PIF1: variants seen among roughly 807,000 people sequenced by gnomAD.
PIF1 encodes ATP-dependent DNA helicase PIF1.
Under a neutral mutation model 62.3 loss-of-function variants are expected in PIF1, and 67 were observed. The ratio of observed to expected loss-of-function variants is 1.08; its 90% CI spans 0.88 to 1.32. PIF1 has a LOEUF of 1.32. Among genes scored for constraint, PIF1 ranks in the 40% most tolerant of loss-of-function variants. The pLI, the probability that PIF1 is intolerant of heterozygous loss-of-function variation, is 0.00. For synonymous variants in PIF1, 364 were observed against 379.5 expected (o/e 0.96, Z 0.47); for missense variants, 886 against 866.1 (o/e 1.02, Z -0.29).
chr15:64,821,332 C>G, intron 5 of PIF1, 35 bp downstream of exon 5: 1 of 1,613,984 alleles, frequency 6.2e-7, no homozygotes, highest in Non-Finnish European at 8.5e-7. Flanking sequence ...CCACCAGGTC[C>G]CAGTTCTCAC....
At chr15:64,819,403 T>C (rs1462116049) in intron 8 of PIF1, among the ~76,000 whole-genome samples, 180 bp from the exon 9 acceptor site, 10 of 152,110 alleles carry the variant, frequency 6.6e-5, no homozygotes. Flanking sequence ...CTCTGCCTCC[T>C]GGGTTCAAGC....
chr15:64,826,709 C>CATATATATATACACACACAT (rs2084376497), upstream of PIF1, among the ~76,000 whole-genome samples: 1 of 134,634 alleles, frequency 7.4e-6, no homozygotes, highest in Non-Finnish European at 1.6e-5. Flanking sequence ...TATACACACA[C>CATATATATATACACACACAT]ATATATATAT....
chr15:64,826,448 T>G (rs2084367829), upstream of PIF1, among the ~76,000 whole-genome samples: 1 of 150,880 alleles, frequency 6.6e-6, no homozygotes, highest in East Asian at 1.9e-4. Flanking sequence ...TTTTTCCTTC[T>G]TAGGGCTCAC....
At position 64,815,642 on chromosome 15, in the gene PIF1, A is replaced by G. The variant is rs1208620433; in HGVS notation, c.*656T>C. 1 of 1,511,490 alleles carries G rather than the reference A, an allele frequency of 6.6e-7. No individual in the cohort carries two copies. Among genetic ancestry groups the G allele is most frequent in the Non-Finnish European group, 8.9e-7 (1 of 1,124,962 alleles). 93.6% of individuals were successfully genotyped at this position (1,511,490 alleles called of 1,614,324 possible). On this transcript the variant is annotated 3_prime_UTR_variant, in exon 13 of 13. Coordinates refer to ENST00000559239, the MANE Select transcript of PIF1 (RefSeq NM_001286496.2). ...AGGCAGGAGGCACAGTTTTTACACA[A>G]TTCTCTAGTTTATTTGTCCGAAATA...
At chr15:64,819,767 A>C in intron 8 of PIF1, 80 bp downstream of exon 8, 1 of 1,587,256 alleles carries the variant, frequency 6.3e-7, no homozygotes, top group Non-Finnish European at 8.5e-7. Flanking sequence ...CCTAGGACCC[A>C]GAGGCCCAGG....
intron 8 of PIF1, 27 bp from the exon 9 acceptor site, chr15:64,819,250 A>T (rs750420964): frequency 6.9e-7 from 1 of 1,453,032 alleles, no homozygotes. Context: ...GAGCAAACAG[A>T]TCACAAATCA....
rs371480665 is a variant in PIF1, at chr15:64,822,518, G to C, written c.651C>G (p.Ala217=). ...AGAAGATGCTCTGGCCTTTCAGGAC[G>C]GCCCTCAGCACAGCAGCCTGTTCCT... ...LSEEQAAVLR[A]VLKGQSIFFT... Residue 217 remains alanine, a synonymous_variant, in exon 3 of 13, where the codon GCC becomes GCG. Transcript: ENST00000559239. 6.2e-6 allele frequency: 10 copies of C among 1,613,526 alleles called. No homozygotes were observed. Among genetic ancestry groups the C allele is most frequent in the Non-Finnish European group, 8.5e-6 (10 of 1,179,970 alleles).
Position 64,815,982 on chromosome 15 carries a change from T to C in PIF1, c.*316A>G, listed in dbSNP as rs1182034961. On this transcript the variant is annotated 3_prime_UTR_variant, in exon 13 of 13. Transcript: ENST00000559239. ...AGGGATGTTCAGGACTCTGCAGCTCTGTGTCCAGCCCTTGCAGAGAGCTTT... is the reference window on the plus strand; with the variant it reads ...AGGGATGTTCAGGACTCTGCAGCTCCGTGTCCAGCCCTTGCAGAGAGCTTT... 13 of 1,530,010 alleles carry C rather than the reference T, an allele frequency of 8.5e-6. No homozygotes were observed. The highest frequency in any genetic ancestry group is 1.1e-5 in the Non-Finnish European group (12 of 1,136,752). 94.8% of individuals were successfully genotyped at this position (1,530,010 alleles called of 1,614,324 possible).
At chr15:64,823,001 A>T (rs1267266816) in intron 2 of PIF1, among the ~76,000 whole-genome samples, 1 of 152,018 alleles carries the variant, frequency 6.6e-6, no homozygotes, top group Non-Finnish European at 1.5e-5. Flanking sequence ...GCCCCTTCTT[A>T]TCCTGTCTCT....
rs747307553 is a variant in PIF1, at chr15:64,821,540, G to C, written c.818-20C>G. 1.3e-6 allele frequency: 2 copies of C among 1,545,550 alleles called. No homozygotes were observed. The highest frequency in any genetic ancestry group is 2.8e-5 in the African/African-American group (2 of 71,244). On this transcript the variant is annotated intron_variant, in intron 4 of 12. Transcript: ENST00000559239. ...CGATGCCTGTGAGTGACACTATTCA[G>C]CCTGGGCTAATACCCAAAGCCTCTC... is the stretch of plus-strand genomic sequence containing the variant.
At position 64,822,396 on chromosome 15, in the gene PIF1, A is replaced by G. The variant is rs764938355; in HGVS notation, c.692-5T>C. The G allele has an allele frequency of 6.2e-7, 1 of 1,614,112 alleles. No individual in the cohort carries two copies. Among genetic ancestry groups the G allele is most frequent in the Admixed American group, 1.7e-5 (1 of 60,012 alleles). On this transcript the variant is annotated splice_polypyrimidine_tract_variant and splice_region_variant and intron_variant, in intron 3 of 12. Coordinates refer to ENST00000559239, the MANE Select transcript of PIF1 (RefSeq NM_001286496.2). ...GCAGATATGACTTCCCTGTTCCTGG[A>G]CAGGGGCAAAGTTAGACAGGTCTCC...
intron 11 of PIF1, among the ~76,000 whole-genome samples, chr15:64,817,151 T>TA (rs201350950): frequency 0.048 from 7,341 of 152,254 alleles, 235 homozygotes; most frequent in African/African-American, 0.079. Flanking sequence ...TTATACAATT[T>TA]TACGTATCTA....
Position 64,819,215 on chromosome 15 carries a change from G to T in PIF1, c.1342C>A (p.His448Asn). Residue 448 changes from histidine (H) to asparagine (N), a missense_variant, in exon 9 of 13, where the codon CAC becomes AAC. His to Asn is a moderately conservative substitution (Grantham distance 68, BLOSUM62 1). Coordinates refer to ENST00000559239, the MANE Select transcript of PIF1 (RefSeq NM_001286496.2). ...RRLQELPGKV[H>N]RFEAMDSNPE... ...TTGCTGTCCATAGCCTCAAATCTGT[G>T]TACCTTACCTGGAGAAAAAGAGTTG... The T allele has an allele frequency of 6.2e-7, 1 of 1,600,622 alleles. No individual in the cohort carries two copies. The highest frequency in any genetic ancestry group is 1.7e-5 in the Admixed American group (1 of 57,874).
chr15:64,820,235 C>A (rs778107665), intron 7 of PIF1, among the ~76,000 whole-genome samples: 1 of 152,208 alleles, frequency 6.6e-6, no homozygotes, highest in Non-Finnish European at 1.5e-5. Context: ...TGTGCTGCCC[C>A]AGGTCAGAGC....
Position 64,820,910 on chromosome 15 carries a change from C to T in PIF1, c.1193+72G>A, listed in dbSNP as rs1407070818. 3.0e-6 allele frequency: 4 copies of T among 1,345,820 alleles called. No individual in the cohort carries two copies. The East Asian group carries it at 6.9e-5, about 23-fold the overall frequency. The allele number at this position is 1,345,820 out of a possible 1,614,324, so 83.4% of individuals were successfully genotyped here. A position where few individuals can be genotyped will look rare whatever the true frequency, so the allele number is the denominator to read the frequency against. The stretch of plus-strand genomic sequence containing the variant: ...ACAATTCTACCCCTTCTGTGAGTCC[C>T]TCTCTGTGTTCCACTGTGGCCCATG... On this transcript the variant is annotated intron_variant, in intron 7 of 12. Transcript: ENST00000559239.
In PIF1 at chr15:64,821,380, C is replaced by A. The variant is rs754061942; in HGVS notation, c.958G>T (p.Glu320Ter). ...GAACATACTGACCTGGCCACGGCCT[C>A]CAGTTTGTCAAACAGGTCTGCCTCC... ...MVEADLFDKL[E>*]AVARAVRQQN... is the part of the protein sequence containing the mutation. Residue 320 changes from glutamate to a stop codon, truncating the protein, a stop_gained, in exon 5 of 13, where the codon GAG (glutamate) becomes TAG (stop). Coordinates refer to ENST00000559239, the MANE Select transcript of PIF1 (RefSeq NM_001286496.2). LOFTEE classifies it high-confidence loss of function. 1 of 1,614,074 alleles carries A rather than the reference C, an allele frequency of 6.2e-7. No homozygotes were observed. Among genetic ancestry groups the A allele is most frequent in the East Asian group, 2.2e-5 (1 of 44,866 alleles).
chr15:64,818,465 C>T, intron 9 of PIF1, 121 bp from the exon 10 acceptor site: 1 of 898,316 alleles, frequency 1.1e-6, no homozygotes, highest in Non-Finnish European at 1.7e-6. Flanking sequence ...AATCCCAATC[C>T]TTAGCTCTGC....
upstream of PIF1, among the ~76,000 whole-genome samples, chr15:64,826,683 T>C (rs1296348399): frequency 1.0e-3 from 100 of 96,204 alleles, 3 homozygotes; most frequent in African/African-American, 3.3e-3. Context: ...CACACACATA[T>C]ATACACACAC....
intron 2 of PIF1, 27 bp from the exon 3 acceptor site, chr15:64,822,637 C>T: frequency 6.2e-7 from 1 of 1,612,196 alleles, no homozygotes; most frequent in South Asian, 1.1e-5. Flanking sequence ...TATCTCAGAG[C>T]ATCCTCCCAC....
Sources: allele counts gnomAD v4.1 joint callset (sites outside exome capture counted in the v4.1 genomes callset), GRCh38; gene constraint gnomAD v4.1.1; transcripts MANE v1.5; gene names NCBI Gene and HGNC (gene_info 2026-07-23, HGNC 2026-07-21).